MDFIC2: variants seen among roughly 807,000 people sequenced by gnomAD.
The protein encoded by MDFIC2 is myoD family inhibitor domain-containing protein 2.
Position 70,302,932 on chromosome 3 carries a change from A to G in MDFIC2, c.88+8954T>C, listed in dbSNP as rs531866947. Among the ~76,000 whole-genome samples the G allele has an allele frequency of 2.0e-5, 3 of 152,280 alleles. No individual in the cohort carries two copies. The South Asian group carries it at 6.2e-4, about 32-fold the overall frequency. The stretch of plus-strand genomic sequence containing the variant: ...AGAAATTTTAACCATCAGCAGTAGG[A>G]TGTGACACTGGAATTTAATTTGTTG... On this transcript the variant is annotated intron_variant, in intron 2 of 3. Transcript: ENST00000567252.
In MDFIC2 at chr3:70,196,809, AT is replaced by A; in HGVS notation, c.*116del. 5.0e-6 allele frequency: 2 copies of A among 397,146 alleles called. No individual in the cohort carries two copies. The highest frequency in any genetic ancestry group is 7.1e-5 in the East Asian group (2 of 28,066). The allele number at this position is 397,146 out of a possible 1,614,324, so 24.6% of individuals were successfully genotyped here. ...AGACAGGTGCAGAATAAAATGGCCTATAGCATCCAAGAAATGTGTACAGTCC... is the reference window on the plus strand; with the variant it reads ...AGACAGGTGCAGAATAAAATGGCCTAAGCATCCAAGAAATGTGTACAGTCC... On this transcript the variant is annotated 3_prime_UTR_variant, in exon 4 of 4. Coordinates refer to ENST00000567252, the MANE Select transcript of MDFIC2 (RefSeq NM_001364677.1).
rs1701344390 is a variant in MDFIC2 at position 70,211,377 on chromosome 3, CTTTCCTTCCT to C, written c.89-4597_89-4588del. ...TCCCTTCCCTTTGCCCTTCCCTTCC[CTTTCCTTCCT>C]TTCCCTTCCCTTCCTTTTGCCCTTC... On this transcript the variant is annotated intron_variant, in intron 2 of 3. Transcript: ENST00000567252. 1.0e-3 allele frequency among the ~76,000 whole-genome samples: 5 copies of C among 4,938 alleles called. 2 individuals are homozygous for C. Among genetic ancestry groups the C allele is most frequent in the Admixed American group, 6.3e-3 (2 of 320 alleles). 3.2% of individuals were successfully genotyped at this position (4,938 alleles called of 152,430 possible).
At chr3:70,309,387 A>G (rs963625967) in intron 2 of MDFIC2, among the ~76,000 whole-genome samples, 2 of 152,198 alleles carry the variant, frequency 1.3e-5, no homozygotes, top group Non-Finnish European at 1.5e-5. Flanking sequence ...CAAAGTGTGA[A>G]CTAAGCTCTC....
At chr3:70,251,908 G>A (rs189641925) in intron 2 of MDFIC2, among the ~76,000 whole-genome samples, 2 of 152,152 alleles carry the variant, frequency 1.3e-5, no homozygotes, top group Admixed American at 6.5e-5. Context: ...GGGATGTCTT[G>A]TTACACTGTA....
chr3:70,268,103 A>C (rs988304565), intron 2 of MDFIC2, among the ~76,000 whole-genome samples: 1 of 151,156 alleles, frequency 6.6e-6, no homozygotes, highest in Non-Finnish European at 1.5e-5. Flanking sequence ...TTTTAGGTTC[A>C]CTGCAAAATT....
chr3:70,305,057 C>T (rs550800583), intron 2 of MDFIC2, among the ~76,000 whole-genome samples: 2 of 152,250 alleles, frequency 1.3e-5, no homozygotes, highest in East Asian at 1.9e-4. Flanking sequence ...AACTTTCCCA[C>T]AGAGAGAACT....
At chr3:70,290,139 C>T (rs1035745502) in intron 2 of MDFIC2, among the ~76,000 whole-genome samples, 2 of 152,118 alleles carry the variant, frequency 1.3e-5, no homozygotes, top group Non-Finnish European at 2.9e-5. Context: ...AGGCGCTCTG[C>T]TTTTTAGAGT....
chr3:70,253,396 T>G (rs115038839), intron 2 of MDFIC2, among the ~76,000 whole-genome samples: 1,708 of 152,140 alleles, frequency 0.011, 36 homozygotes, highest in African/African-American at 0.039. Context: ...AGAGAGTGGA[T>G]GAAGAGTTGT....
intron 2 of MDFIC2, among the ~76,000 whole-genome samples, chr3:70,301,299 A>G (rs1702346231): frequency 6.6e-6 from 1 of 152,110 alleles, no homozygotes. Context: ...CATGTAAGGA[A>G]TTGGGTATGT....
At chr3:70,294,153 C>T (rs944039514) in intron 2 of MDFIC2, among the ~76,000 whole-genome samples, 2 of 152,074 alleles carry the variant, frequency 1.3e-5, no homozygotes, top group African/African-American at 4.8e-5. Flanking sequence ...AATAATACTA[C>T]CCTAGCATTT....
At chr3:70,233,725 A>G (rs1701583184) in intron 2 of MDFIC2, among the ~76,000 whole-genome samples, 1 of 152,170 alleles carries the variant, frequency 6.6e-6, no homozygotes, top group Non-Finnish European at 1.5e-5. Context: ...CTAAAATTTC[A>G]TGTAAACTGA....
At chr3:70,218,353 A>G (rs1041823318) in intron 2 of MDFIC2, among the ~76,000 whole-genome samples, 1 of 152,152 alleles carries the variant, frequency 6.6e-6, no homozygotes, top group South Asian at 2.1e-4. Context: ...GCATATAGGC[A>G]TGCATTAGGT....
intron 2 of MDFIC2, among the ~76,000 whole-genome samples, chr3:70,272,618 C>A (rs78509606): frequency 6.6e-6 from 1 of 152,036 alleles, no homozygotes; most frequent in Non-Finnish European, 1.5e-5. Context: ...GGGTAAATAC[C>A]TAGGAGTAGA....
At position 70,309,374 on chromosome 3, in the gene MDFIC2, G is replaced by A. The variant is rs186525974; in HGVS notation, c.88+2512C>T. On this transcript the variant is annotated intron_variant, in intron 2 of 3. Transcript: ENST00000567252. ...AAAAGCATTGTTGCTATTACCAATG[G>A]TTCAAAGTGTGAACTAAGCTCTCAA... Among the ~76,000 whole-genome samples the A allele has an allele frequency of 3.1e-4, 47 of 152,160 alleles. No homozygotes were observed. The East Asian group carries it at 8.7e-3, about 28-fold the overall frequency.
intron 2 of MDFIC2, among the ~76,000 whole-genome samples, chr3:70,241,165 T>A (rs1701664742): frequency 6.6e-6 from 1 of 152,136 alleles, no homozygotes; most frequent in African/African-American, 2.4e-5. Flanking sequence ...TCCTGGGAGT[T>A]GAGATATTTT....
At chr3:70,228,027 G>A (rs1310003957) in intron 2 of MDFIC2, among the ~76,000 whole-genome samples, 1 of 151,242 alleles carries the variant, frequency 6.6e-6, no homozygotes, top group Non-Finnish European at 1.5e-5. Context: ...AATATAATAA[G>A]CAATATAAAT....
At position 70,267,211 on chromosome 3, in the gene MDFIC2, G is replaced by A. The variant is rs370176751; in HGVS notation, c.88+44675C>T. On this transcript the variant is annotated intron_variant, in intron 2 of 3. Transcript: ENST00000567252. The stretch of plus-strand genomic sequence containing the variant: ...TTAATTCCCCCTTATGTTTTAGACA[G>A]TAAAAGAAGTCTCATTTTTACGAAG... Among the ~76,000 whole-genome samples the A allele has an allele frequency of 1.6e-3, 238 of 152,112 alleles. 2 individuals are homozygous for A. The highest frequency in any genetic ancestry group is 5.5e-3 in the African/African-American group (227 of 41,482).
chr3:70,301,579 T>A (rs1702349283), intron 2 of MDFIC2, among the ~76,000 whole-genome samples: 1 of 152,114 alleles, frequency 6.6e-6, no homozygotes, highest in Non-Finnish European at 1.5e-5. Context: ...ATATATTATT[T>A]TGTAAAACGA....
At chr3:70,202,896 G>C (rs146622252) in intron 3 of MDFIC2, among the ~76,000 whole-genome samples, 1 of 152,158 alleles carries the variant, frequency 6.6e-6, no homozygotes, top group East Asian at 1.9e-4. Context: ...TGGAAAAGGT[G>C]GCAATCCAAG....
Sources: allele counts gnomAD v4.1 joint callset (sites outside exome capture counted in the v4.1 genomes callset), GRCh38; gene constraint gnomAD v4.1.1; transcripts MANE v1.5; gene names NCBI Gene and HGNC (gene_info 2026-07-23, HGNC 2026-07-21).